BRWD1: variants seen among roughly 807,000 people sequenced by gnomAD.
BRWD1 encodes the protein bromodomain and WD repeat-containing protein 1.
BRWD1 carries 82 observed loss-of-function variants against 251.2 expected under a neutral mutation model. The ratio of observed to expected loss-of-function variants is 0.33; its 90% CI spans 0.27 to 0.39. The LOEUF is 0.39. Among genes scored for constraint, BRWD1 ranks in the 10% least tolerant of loss-of-function variants. The pLI, the probability that BRWD1 is intolerant of heterozygous loss-of-function variation, is 1.00. For synonymous variants in BRWD1, 918 were observed against 902.8 expected (o/e 1.02, Z -0.30); for missense variants, 2,233 against 2,711.6 (o/e 0.82, Z 3.92).
intron 29 of BRWD1, among the ~76,000 whole-genome samples, chr21:39,223,279 C>T (rs1433155436): frequency 1.3e-5 from 2 of 151,706 alleles, no homozygotes; most frequent in Non-Finnish European, 2.9e-5. Flanking sequence ...TTTTTTAAGT[C>T]TGAAATTATC....
chr21:39,190,525 G>A lies in BRWD1; in HGVS notation c.*5734C>T. The A allele has an allele frequency of 1.0e-6, 1 of 985,350 alleles. No individual in the cohort carries two copies. The allele number at this position is 985,350 out of a possible 1,614,324, so 61.0% of individuals were successfully genotyped here. On this transcript the variant is annotated 3_prime_UTR_variant, in exon 41 of 41. Transcript: ENST00000342449. ...CACAAAGTGGGTAAACCCTCTAGGT[G>A]CAAGTTATAAGCTCCCTCAAGCAAG... is the stretch of plus-strand genomic sequence containing the variant.
intron 36 of BRWD1, 80 bp from the exon 37 acceptor site, chr21:39,206,354 C>T: frequency 9.2e-7 from 1 of 1,087,330 alleles, no homozygotes; most frequent in Non-Finnish European, 1.3e-6. Context: ...ATTGAGATCC[C>T]TTGCAATGTA....
rs768451267 is a variant in BRWD1, at chr21:39,295,724, G to C, written c.609+19C>G. On this transcript the variant is annotated intron_variant, in intron 7 of 40. Transcript: ENST00000342449. Reference sequence around the variant, plus strand: ...AGTACTCTAGATGACATCAAATCAAGTTTAAAATTTTTACTCACTGTAAAG... The same window carrying C: ...AGTACTCTAGATGACATCAAATCAACTTTAAAATTTTTACTCACTGTAAAG... 6.5e-7 allele frequency: 1 copy of C among 1,535,594 alleles called. No homozygotes were observed. Among genetic ancestry groups the C allele is most frequent in the Non-Finnish European group, 8.8e-7 (1 of 1,136,182 alleles).
chr21:39,236,731 T>C lies in BRWD1; in HGVS notation c.2630A>G (p.Gln877Arg). ...DWTADAGINL[Q>R]PPLRTSCRRR... ...ACGACATGATGTTCTTAAAGGAGGC[T>C]GCAAATTGATGCCCGCATCAGCTGT... The change falls in exon 23 of 41, where the codon CAG becomes CGG. Residue 877 changes from glutamine (Q) to arginine (R), a missense_variant. Physicochemically the swap from Gln to Arg is conservative, Grantham distance 43. Coordinates refer to ENST00000342449, the MANE Select transcript of BRWD1 (RefSeq NM_033656.4). 6.2e-7 allele frequency: 1 copy of C among 1,614,134 alleles called. No individual in the cohort carries two copies. Among genetic ancestry groups the C allele is most frequent in the Non-Finnish European group, 8.5e-7 (1 of 1,180,020 alleles).
chr21:39,199,504 T>C lies in BRWD1; in HGVS notation c.4912A>G (p.Asn1638Asp), dbSNP rs1376882102. The change falls in exon 40 of 41, where the codon AAT (asparagine) becomes GAT (aspartate). Residue 1638 changes from asparagine to aspartate, a missense_variant. Coordinates refer to ENST00000342449, the MANE Select transcript of BRWD1 (RefSeq NM_033656.4). ...ACATCACTCATTAGCTTTATTTTAT[T>C]GGCAGCCACAGCAGCACACTTCCTT... ...VLRKCAAVAA[N>D]KIKLMSDVEE... 6.2e-7 allele frequency: 1 copy of C among 1,614,212 alleles called. No homozygotes were observed. Among genetic ancestry groups the C allele is most frequent in the East Asian group, 2.2e-5 (1 of 44,876 alleles).
At chr21:39,218,884 A>G (rs1206093320) in intron 29 of BRWD1, among the ~76,000 whole-genome samples, 2 of 152,188 alleles carry the variant, frequency 1.3e-5, no homozygotes, top group Non-Finnish European at 1.5e-5. Flanking sequence ...AAAATTAAAA[A>G]TAAGAGTGCC....
Position 39,197,179 on chromosome 21 carries a change from G to T in BRWD1, c.5890C>A (p.Pro1964Thr). The T allele has an allele frequency of 6.2e-7, 1 of 1,614,078 alleles. No homozygotes were observed. Among genetic ancestry groups the T allele is most frequent in the Non-Finnish European group, 8.5e-7 (1 of 1,179,958 alleles). The change falls in exon 41 of 41, where the codon CCT becomes ACT. Residue 1964 changes from proline (P) to threonine (T), a missense_variant. Coordinates refer to ENST00000342449, the MANE Select transcript of BRWD1 (RefSeq NM_033656.4). ...HTRSKNGRKK[P>T]LHLACTTAKK... ...GCTGTAGTACAAGCAAGATGGAGAG[G>T]TTTTTTCCTTCCATTTTTGCTTCTA...
chr21:39,316,862 G>GGC (rs1555881545), upstream of BRWD1, among the ~76,000 whole-genome samples: 2 of 74,376 alleles, frequency 2.7e-5, no homozygotes, highest in Admixed American at 1.2e-4. Context: ...GGCTAGAGCC[G>GGC]GGGGGGATTG....
rs544780399 is a variant in BRWD1, at chr21:39,270,135, G to A, written c.1396-102C>T. 1.4e-4 allele frequency: 173 copies of A among 1,211,500 alleles called. 1 individual carries two copies. The highest frequency in any genetic ancestry group is 3.0e-4 in the Middle Eastern group (1 of 3,374). 75.0% of individuals were successfully genotyped at this position (1,211,500 alleles called of 1,614,324 possible). ...AGCATATACTTTTAGAAATGTATTC[G>A]ACAATAATTTATAATTATAAAAATT... On this transcript the variant is annotated intron_variant, in intron 14 of 40. Transcript: ENST00000342449.
At chr21:39,233,803 T>C (rs977323458) in intron 23 of BRWD1, among the ~76,000 whole-genome samples, 10 of 152,174 alleles carry the variant, frequency 6.6e-5, no homozygotes, top group Non-Finnish European at 1.5e-4. Flanking sequence ...GTGGATCACT[T>C]GAGGTCAGAA....
In BRWD1 at chr21:39,187,299, A is replaced by G. The variant is rs762941568; in HGVS notation, c.*8960T>C. ...CAGCAACAGTAGCACATCTGCGGGG[A>G]ACTTTCTCAGGTACCATTTTTGCTT... On this transcript the variant is annotated 3_prime_UTR_variant, in exon 41 of 41. Coordinates refer to ENST00000342449, the MANE Select transcript of BRWD1 (RefSeq NM_033656.4). 1 of 1,613,832 alleles carries G rather than the reference A, an allele frequency of 6.2e-7. No individual in the cohort carries two copies. The highest frequency in any genetic ancestry group is 8.5e-7 in the Non-Finnish European group (1 of 1,179,946).
At chr21:39,304,711 A>C (rs2036230238) in intron 4 of BRWD1, among the ~76,000 whole-genome samples, 1 of 152,168 alleles carries the variant, frequency 6.6e-6, no homozygotes, top group Admixed American at 6.5e-5. Flanking sequence ...ACATGTGAAC[A>C]CAAAAAGGTT....
intron 13 of BRWD1, among the ~76,000 whole-genome samples, chr21:39,272,305 T>TTAAAAAAA (rs1445570866): frequency 9.1e-6 from 1 of 110,106 alleles, no homozygotes; most frequent in African/African-American, 3.2e-5. Flanking sequence ...AAAACTTAAA[T>TTAAAAAAA]AAATAAAAAA....
intron 15 of BRWD1, 29 bp downstream of exon 15, chr21:39,269,870 T>C (rs1169259892): frequency 4.1e-6 from 6 of 1,446,736 alleles, no homozygotes; most frequent in South Asian, 1.6e-5. Context: ...TTATCAAGCA[T>C]GTATCAAGGT....
upstream of BRWD1, chr21:39,313,697 G>C (rs1177430806): frequency 2.8e-6 from 1 of 362,834 alleles, no homozygotes; most frequent in Admixed American, 5.2e-5. Flanking sequence ...GTCCCTCCGC[G>C]GGGGGCGGGG....
In BRWD1 at chr21:39,255,651, A is replaced by C. The variant is rs1233313335; in HGVS notation, c.2249T>G (p.Ile750Arg). 6.2e-7 allele frequency: 1 copy of C among 1,613,580 alleles called. No individual in the cohort carries two copies. Among genetic ancestry groups the C allele is most frequent in the South Asian group, 1.1e-5 (1 of 91,044 alleles). Residue 750 changes from isoleucine (I) to arginine (R), a missense_variant, in exon 19 of 41, where the codon ATA becomes AGA. Ile to Arg is a moderately conservative substitution (Grantham distance 97). Transcript: ENST00000342449. ...RVVVPEVPLG[I>R]FRKLEDFRLE... The stretch of plus-strand genomic sequence containing the variant: ...TAGATATCCTAAAACAAACCTAAAT[A>C]TGCCTAGTGGTACCTCTGGTACAAC...
upstream of BRWD1, chr21:39,313,707 G>A (rs2036610746): frequency 2.7e-6 from 1 of 372,964 alleles, no homozygotes; most frequent in South Asian, 4.9e-5. Flanking sequence ...GGGGGGCGGG[G>A]GTTTGCGCCA....
chr21:39,236,547 G>A, intron 23 of BRWD1, 48 bp downstream of exon 23: 4 of 1,418,614 alleles, frequency 2.8e-6, no homozygotes, highest in Non-Finnish European at 3.8e-6. Flanking sequence ...ATGGGGTAAA[G>A]CTGGGGTATC....
chr21:39,312,705 A>C, intron 4 of BRWD1, 136 bp downstream of exon 4: 4 of 467,480 alleles, frequency 8.6e-6, no homozygotes, highest in Non-Finnish European at 1.1e-5. Flanking sequence ...TCAGCCGGGA[A>C]CGCAGCTATC....
Sources: gnomAD v4.1 joint callset for allele counts (sites outside exome capture counted in the v4.1 genomes callset) on GRCh38, gnomAD v4.1.1 for gene constraint, MANE v1.5 for transcripts, NCBI Gene and HGNC (gene_info 2026-07-23, HGNC 2026-07-21) for gene names.